The following SHANK2 variants were observed in gnomAD, a reference collection of about 807,000 sequenced individuals.
The protein encoded by SHANK2 is SH3 and multiple ankyrin repeat domains protein 2.
A neutral mutation model predicts 133.7 loss-of-function variants in SHANK2; 43 were observed. The observed-to-expected ratio is 0.32, with a 90% confidence interval of 0.25 to 0.41. The LOEUF is 0.41. SHANK2 is among the 10% of genes least tolerant of loss of function. The pLI is 1.00. For missense variants in SHANK2, 1,994 were observed against 2,235.8 expected, an observed-to-expected ratio of 0.89 and a Z score of 2.18; for synonymous variants, 1,017 against 952.8, an observed-to-expected ratio of 1.07 and a Z score of -1.24.
intron 1 of SHANK2, among the ~76,000 whole-genome samples, chr11:71,240,547 G>T (rs1240061588): frequency 2.0e-5 from 3 of 152,164 alleles, no homozygotes; most frequent in Non-Finnish European, 4.4e-5. Context: ...CCAGCCCCTA[G>T]AGAATGAAGG....
chr11:70,471,807 G>A lies in SHANK2; in HGVS notation c.*1062C>T, dbSNP rs545324081. 25 of 166,356 alleles carry A rather than the reference G, an allele frequency of 1.5e-4. No homozygotes were observed. Among genetic ancestry groups the A allele is most frequent in the African/African-American group, 3.8e-4 (16 of 42,166 alleles). 10.3% of individuals were successfully genotyped at this position (166,356 alleles called of 1,614,324 possible). A position where few individuals can be genotyped will look rare whatever the true frequency, so the allele number is the denominator to read the frequency against. ...GCACAGAACTGAGGATGCTGTGCCCGCCCAGCTCCCAGAGGAGACGCTGTC... is the reference window on the plus strand; with the variant it reads ...GCACAGAACTGAGGATGCTGTGCCCACCCAGCTCCCAGAGGAGACGCTGTC... On this transcript the variant is annotated 3_prime_UTR_variant, in exon 26 of 26. Transcript: ENST00000601538. This position sits in a 1 kb window ranked among gnomAD's most constrained non-coding sequence, Gnocchi z 4.1.
intron 12 of SHANK2, among the ~76,000 whole-genome samples, chr11:70,814,209 A>T (rs1393130996): frequency 6.6e-6 from 1 of 152,202 alleles, no homozygotes; most frequent in Non-Finnish European, 1.5e-5. Context: ...CTATAAGCCC[A>T]GCTACCTGGG....
At position 71,106,339 on chromosome 11, in the gene SHANK2, C is replaced by T. The variant is rs372956739; in HGVS notation, c.592+3602G>A. ...ATAAGAGGCTGGGCTCAGTGGCTCACGCCTGTAATCCAAACACTTCAGGAG... is the reference window on the plus strand; with the variant it reads ...ATAAGAGGCTGGGCTCAGTGGCTCATGCCTGTAATCCAAACACTTCAGGAG... On this transcript the variant is annotated intron_variant, in intron 6 of 25. Transcript: ENST00000601538. Among the ~76,000 whole-genome samples, 6 of 152,308 alleles carry T rather than the reference C, an allele frequency of 3.9e-5. No homozygotes were observed. The South Asian group carries it at 8.3e-4, about 21-fold the overall frequency.
At chr11:70,596,148 C>T (rs1333230252) in intron 17 of SHANK2, among the ~76,000 whole-genome samples, 3 of 152,220 alleles carry the variant, frequency 2.0e-5, no homozygotes, top group Non-Finnish European at 4.4e-5. Context: ...TCAATCTCTG[C>T]GGTGCTGAGC....
At chr11:71,057,717 AT>A (rs1192366882) in intron 9 of SHANK2, among the ~76,000 whole-genome samples, 140 of 145,652 alleles carry the variant, frequency 9.6e-4, no homozygotes, top group African/African-American at 1.4e-3. Flanking sequence ...TGCCCAGCTA[AT>A]TTTTTTTTTT....
chr11:71,079,008 T>C (rs1020989879), intron 8 of SHANK2, among the ~76,000 whole-genome samples: 7 of 152,350 alleles, frequency 4.6e-5, no homozygotes, highest in Admixed American at 4.6e-4. Flanking sequence ...GCCCCCATTT[T>C]TGGGCTCACC....
chr11:70,768,921 G>T (rs892179597), intron 14 of SHANK2, among the ~76,000 whole-genome samples: 3 of 152,136 alleles, frequency 2.0e-5, no homozygotes, highest in East Asian at 3.9e-4. Context: ...CTCCAGGGGG[G>T]TGGGGAAGGC....
chr11:70,944,384 C>G (rs1287621020), intron 10 of SHANK2, among the ~76,000 whole-genome samples: 2 of 152,206 alleles, frequency 1.3e-5, no homozygotes, highest in Non-Finnish European at 2.9e-5. Flanking sequence ...GTCTTCCTGT[C>G]CCCTGGCTCA....
intron 14 of SHANK2, among the ~76,000 whole-genome samples, chr11:70,749,994 G>C (rs1418810913): frequency 6.6e-6 from 1 of 152,178 alleles, no homozygotes; most frequent in East Asian, 1.9e-4. Flanking sequence ...AAGAAACTCA[G>C]CAAGTACTTC....
intron 9 of SHANK2, among the ~76,000 whole-genome samples, chr11:71,059,273 A>G (rs1950959177): frequency 6.6e-6 from 1 of 152,174 alleles, no homozygotes; most frequent in Admixed American, 6.5e-5. Context: ...ATCTAGAAGG[A>G]AATAGGGAGC....
At chr11:71,176,710 G>A (rs1424059724) in intron 2 of SHANK2, among the ~76,000 whole-genome samples, 4 of 152,040 alleles carry the variant, frequency 2.6e-5, no homozygotes, top group Non-Finnish European at 5.9e-5. Flanking sequence ...AAAGAAGAGA[G>A]TATCAGTGAA....
At chr11:70,795,122 T>C (rs1421062033) in intron 14 of SHANK2, among the ~76,000 whole-genome samples, 1 of 152,098 alleles carries the variant, frequency 6.6e-6, no homozygotes, top group African/African-American at 2.4e-5. Flanking sequence ...CCTCCTTCCA[T>C]CCCAGGTCAC....
At chr11:70,809,053 G>A (rs974349596) in intron 12 of SHANK2, among the ~76,000 whole-genome samples, 3 of 152,200 alleles carry the variant, frequency 2.0e-5, no homozygotes, top group Non-Finnish European at 4.4e-5. Flanking sequence ...GACAGGACAC[G>A]CAACACAAAG....
At chr11:71,249,681 G>T (rs1312715052) in intron 1 of SHANK2, among the ~76,000 whole-genome samples, 2 of 152,172 alleles carry the variant, frequency 1.3e-5, no homozygotes, top group African/African-American at 4.8e-5. Context: ...TCCTCATCGG[G>T]ACTGACGGGG....
intron 25 of SHANK2, among the ~76,000 whole-genome samples, chr11:70,475,620 C>T (rs2058652808): frequency 6.6e-6 from 1 of 152,152 alleles, no homozygotes; most frequent in African/African-American, 2.4e-5. Flanking sequence ...AAAGGAGGGG[C>T]AAATCTGAAA....
chr11:71,215,714 G>A (rs1429409140), intron 2 of SHANK2, among the ~76,000 whole-genome samples: 1 of 152,172 alleles, frequency 6.6e-6, no homozygotes, highest in African/African-American at 2.4e-5. Context: ...TGCACACACT[G>A]CAGGCGTGCC....
intron 14 of SHANK2, among the ~76,000 whole-genome samples, chr11:70,782,978 G>T (rs538316522): frequency 1.3e-5 from 2 of 152,264 alleles, no homozygotes; most frequent in African/African-American, 4.8e-5. Flanking sequence ...GGGTGTGATT[G>T]GGTTTAGATA....
At chr11:70,884,396 A>G (rs1949704875) in intron 11 of SHANK2, among the ~76,000 whole-genome samples, 1 of 152,238 alleles carries the variant, frequency 6.6e-6, no homozygotes, top group African/African-American at 2.4e-5. Flanking sequence ...ACAAATCTGC[A>G]CAGCTTTAAT....
chr11:70,663,907 T>C (rs1555014177), intron 15 of SHANK2, among the ~76,000 whole-genome samples: 1 of 152,274 alleles, frequency 6.6e-6, no homozygotes, highest in East Asian at 1.9e-4. Context: ...AAACCTCAGT[T>C]TCCCTGCACA....
Sources: allele counts gnomAD v4.1 joint callset (sites outside exome capture counted in the v4.1 genomes callset), GRCh38; gene constraint gnomAD v4.1.1; non-coding constraint Gnocchi (gnomAD v3.1); transcripts MANE v1.5; gene names NCBI Gene and HGNC (gene_info 2026-07-23, HGNC 2026-07-21).